Variants in ARHGAP10 observed in about 807,000 individuals in gnomAD.
ARHGAP10 encodes Rho GTPase activating protein 10.
Under a neutral mutation model 108.6 loss-of-function variants are expected in ARHGAP10, and 87 were observed. That is an observed-to-expected ratio of 0.80 (90% CI 0.67 to 0.96). ARHGAP10 has a LOEUF of 0.96. Ranked by LOEUF, ARHGAP10 falls within the 40% of genes least tolerant of loss-of-function variation. The pLI is 0.00. For synonymous variants in ARHGAP10, 347 were observed against 341.1 expected (o/e 1.02, Z -0.19); for missense variants, 939 against 954.5 (o/e 0.98, Z 0.21).
chr4:148,010,911 A>T (rs769591029), intron 18 of ARHGAP10, among the ~76,000 whole-genome samples: 4 of 152,234 alleles, frequency 2.6e-5, no homozygotes, highest in East Asian at 1.9e-4. Context: ...GCCCCAATCC[A>T]GGATCATACA....
chr4:148,023,108 C>CTATG (rs1741631716), intron 18 of ARHGAP10, 155 bp from the exon 19 acceptor site: 1 of 686,618 alleles, frequency 1.5e-6, no homozygotes, highest in Non-Finnish European at 2.3e-6. Context: ...AAATAAAAGG[C>CTATG]TATGACCTCT....
chr4:148,042,517 G>T (rs1728675509), intron 19 of ARHGAP10, among the ~76,000 whole-genome samples: 2 of 152,004 alleles, frequency 1.3e-5, no homozygotes, highest in South Asian at 2.1e-4. Flanking sequence ...ATACTTTCTC[G>T]ACCAGAGGCT....
intron 1 of ARHGAP10, among the ~76,000 whole-genome samples, chr4:147,734,137 G>T (rs1728332536): frequency 6.6e-6 from 1 of 152,104 alleles, no homozygotes; most frequent in Non-Finnish European, 1.5e-5. Flanking sequence ...TCAGTGGCCG[G>T]GAGAATGTAC....
At chr4:147,957,108 G>A (rs1359345120) in intron 16 of ARHGAP10, among the ~76,000 whole-genome samples, 1 of 152,154 alleles carries the variant, frequency 6.6e-6, no homozygotes, top group Middle Eastern at 3.2e-3. Context: ...GGAATGCTGT[G>A]ATAGTCTTCA....
intron 13 of ARHGAP10, among the ~76,000 whole-genome samples, chr4:147,918,133 A>T (rs941422065): frequency 6.9e-5 from 9 of 129,996 alleles, no homozygotes; most frequent in South Asian, 2.4e-4. Flanking sequence ...TCTCATTAAG[A>T]TTTTTTTTTT....
chr4:148,046,758 C>A, intron 19 of ARHGAP10, 134 bp from the exon 20 acceptor site: 2 of 825,526 alleles, frequency 2.4e-6, no homozygotes, highest in Non-Finnish European at 3.6e-6. Context: ...ACAGGACACC[C>A]AGATACTGTC....
At chr4:147,857,427 C>T in intron 4 of ARHGAP10, 126 bp from the exon 5 acceptor site, 3 of 939,356 alleles carry the variant, frequency 3.2e-6, no homozygotes, top group Non-Finnish European at 4.3e-6. Flanking sequence ...TTTTAGATAG[C>T]TTTATCACAT....
chr4:147,784,462 T>G (rs1275385918), intron 1 of ARHGAP10, among the ~76,000 whole-genome samples: 1 of 126,564 alleles, frequency 7.9e-6, no homozygotes, highest in African/African-American at 3.0e-5. Context: ...TGATATATAT[T>G]ATATAATTTA....
At chr4:148,022,512 G>T (rs1253754827) in intron 18 of ARHGAP10, among the ~76,000 whole-genome samples, 1 of 152,206 alleles carries the variant, frequency 6.6e-6, no homozygotes, top group East Asian at 1.9e-4. Flanking sequence ...GCTATGGAGG[G>T]TCTATTATCA....
chr4:147,830,512 C>CTTTTTTTTTTTTT (rs56946602), intron 3 of ARHGAP10, among the ~76,000 whole-genome samples: 1 of 102,326 alleles, frequency 9.8e-6, no homozygotes, highest in Admixed American at 1.0e-4. Flanking sequence ...ACCACAATTC[C>CTTTTTTTTTTTTT]TTTTTTTTTT....
intron 10 of ARHGAP10, among the ~76,000 whole-genome samples, chr4:147,891,925 G>A (rs1303438561): frequency 6.6e-6 from 1 of 152,014 alleles, no homozygotes; most frequent in Non-Finnish European, 1.5e-5. Context: ...AGCTTCGCTG[G>A]CATGCTTGCC....
At chr4:148,000,077 C>T (rs372676948) in intron 18 of ARHGAP10, among the ~76,000 whole-genome samples, 37 of 152,180 alleles carry the variant, frequency 2.4e-4, no homozygotes, top group East Asian at 1.4e-3. Flanking sequence ...CCCTCCCCCT[C>T]TCCCCACCCC....
chr4:147,884,272 A>AC lies in ARHGAP10; in HGVS notation c.1034+2344dup, dbSNP rs1419690957. Among the ~76,000 whole-genome samples the AC allele has an allele frequency of 1.7e-4, 26 of 152,094 alleles. No homozygotes were observed. In the South Asian group the frequency reaches 2.1e-3, roughly 12 times the overall value. On this transcript the variant is annotated intron_variant, in intron 10 of 22. Transcript: ENST00000336498. ...CTAGCTATGATTGGAACCACTCTCC[A>AC]CCCCTCAAAGACATTGATGAGGGAT...
rs1734144326 is a variant in ARHGAP10 at position 147,857,562 on chromosome 4, AAG to A, written c.396_397del (p.Lys133ValfsTer2). ...TTTTTTTTATTTGTAGGAAGAAAAA[AAG>A]AAGTTTGACAAAGAGACAGAAAAGA... The part of the protein sequence containing the change: ...EQLGAVKEEK[K>X]KFDKETEKNY... On this transcript the variant is annotated frameshift_variant, in exon 5 of 23. Transcript: ENST00000336498. LOFTEE classifies it high-confidence loss of function. 1 of 1,484,984 alleles carries A rather than the reference AAG, an allele frequency of 6.7e-7. No individual in the cohort carries two copies. Among genetic ancestry groups the A allele is most frequent in the Non-Finnish European group, 8.9e-7 (1 of 1,119,716 alleles). The allele number at this position is 1,484,984 out of a possible 1,614,324, so 92.0% of individuals were successfully genotyped here.
intron 18 of ARHGAP10, among the ~76,000 whole-genome samples, chr4:148,012,447 G>A (rs2149655178): frequency 6.6e-6 from 1 of 152,318 alleles, no homozygotes; most frequent in East Asian, 1.9e-4. Flanking sequence ...TGAAGGAGAG[G>A]CTGGTGCCTG....
At chr4:147,757,302 C>G (rs112764350) in intron 1 of ARHGAP10, among the ~76,000 whole-genome samples, 5 of 149,964 alleles carry the variant, frequency 3.3e-5, no homozygotes, top group African/African-American at 1.2e-4. Flanking sequence ...TCAAGCAATT[C>G]CCCTGCCTCA....
At chr4:147,842,123 A>G (rs749433972) in intron 3 of ARHGAP10, among the ~76,000 whole-genome samples, 1 of 151,994 alleles carries the variant, frequency 6.6e-6, no homozygotes, top group Non-Finnish European at 1.5e-5. Context: ...TTTAGTAGAG[A>G]TGGAATTTCA....
At chr4:147,830,019 C>T (rs1195164678) in intron 3 of ARHGAP10, among the ~76,000 whole-genome samples, 1 of 152,170 alleles carries the variant, frequency 6.6e-6, no homozygotes, top group Non-Finnish European at 1.5e-5. Flanking sequence ...TCCCTCTCAT[C>T]CTGGGGGTGC....
chr4:148,036,098 G>C (rs1728366289), intron 19 of ARHGAP10, among the ~76,000 whole-genome samples: 1 of 151,812 alleles, frequency 6.6e-6, no homozygotes, highest in South Asian at 2.1e-4. Flanking sequence ...GTGTGTGTGT[G>C]TGTGTGTATA....
Sources: allele counts gnomAD v4.1 joint callset (sites outside exome capture counted in the v4.1 genomes callset), GRCh38; gene constraint gnomAD v4.1.1; transcripts MANE v1.5; gene names NCBI Gene and HGNC (gene_info 2026-07-23, HGNC 2026-07-21).